The following ADGRL3 variants were observed in gnomAD, a reference collection of about 807,000 sequenced individuals.
ADGRL3 encodes the protein calcium-independent alpha-latrotoxin receptor 3.
A neutral mutation model predicts 153.5 loss-of-function variants in ADGRL3; 62 were observed. The observed-to-expected ratio is 0.40, with a 90% CI of 0.33 to 0.50. The LOEUF (loss-of-function observed/expected upper bound fraction) is 0.50. Ranked by LOEUF, ADGRL3 falls within the 20% of genes least tolerant of loss-of-function variation. The pLI is 0.47. For missense variants in ADGRL3, 1,641 were observed against 1,859.4 expected (o/e 0.88, Z 2.16); for synonymous variants, 710 against 672.5 (o/e 1.06, Z -0.86).
At chr4:61,900,004 A>G (rs1703931729) in intron 11 of ADGRL3, among the ~76,000 whole-genome samples, 1 of 152,058 alleles carries the variant, frequency 6.6e-6, no homozygotes, top group African/African-American at 2.4e-5. Flanking sequence ...AGACCGTGCA[A>G]CCTCCTTCTC....
At chr4:61,567,518 T>C (rs1328565643) in intron 4 of ADGRL3, among the ~76,000 whole-genome samples, 1 of 152,200 alleles carries the variant, frequency 6.6e-6, no homozygotes, top group Admixed American at 6.5e-5. Context: ...GAAGATGCCG[T>C]CTATGAGGAA....
chr4:61,224,425 C>T (rs1022272435), intron 1 of ADGRL3, among the ~76,000 whole-genome samples: 10 of 152,032 alleles, frequency 6.6e-5, no homozygotes, highest in Non-Finnish European at 1.0e-4. Flanking sequence ...TAATAGTTTC[C>T]TGATTAAAAA....
In ADGRL3 at chr4:61,578,278, A is replaced by G. The variant is rs538422175; in HGVS notation, c.260-8949A>G. Among the ~76,000 whole-genome samples, 6 of 152,178 alleles carry G rather than the reference A, an allele frequency of 3.9e-5. No individual in the cohort carries two copies. In the South Asian group the frequency reaches 1.2e-3, roughly 32 times the overall value. On this transcript the variant is annotated intron_variant, in intron 4 of 26. Coordinates refer to ENST00000683033, the MANE Select transcript of ADGRL3 (RefSeq NM_001387552.1). The stretch of plus-strand genomic sequence containing the variant: ...ATCTTTGTCTAAGCCACGGTTTGGT[A>G]AATGGGGATGATAATTTTTCTAAAC...
intron 17 of ADGRL3, among the ~76,000 whole-genome samples, chr4:61,953,940 T>C (rs2098956730): frequency 6.6e-6 from 1 of 152,130 alleles, no homozygotes; most frequent in East Asian, 1.9e-4. Flanking sequence ...TTTACTGTTT[T>C]CTCCTCATCT....
At chr4:61,676,359 G>A (rs2095192216) in intron 5 of ADGRL3, among the ~76,000 whole-genome samples, 1 of 151,792 alleles carries the variant, frequency 6.6e-6, no homozygotes, top group African/African-American at 2.4e-5. Flanking sequence ...CTCAGATAAA[G>A]CTTTTCAATA....
intron 2 of ADGRL3, among the ~76,000 whole-genome samples, chr4:61,479,880 T>G (rs1305102103): frequency 6.6e-6 from 1 of 152,196 alleles, no homozygotes; most frequent in African/African-American, 2.4e-5. Context: ...TAAGCTTCTT[T>G]AAATTATAAT....
intron 9 of ADGRL3, among the ~76,000 whole-genome samples, chr4:61,850,125 C>T (rs1378946410): frequency 2.6e-5 from 4 of 152,182 alleles, no homozygotes; most frequent in South Asian, 2.1e-4. Context: ...TAACTAAGAA[C>T]GTTGTGATGG....
chr4:62,016,167 G>A (rs2099210617), intron 21 of ADGRL3, among the ~76,000 whole-genome samples: 2 of 151,918 alleles, frequency 1.3e-5, no homozygotes, highest in African/African-American at 2.4e-5. Flanking sequence ...TCCTGCCTCA[G>A]CCTCCCGTGT....
At chr4:62,049,770 A>G (rs1733127668) in intron 25 of ADGRL3, among the ~76,000 whole-genome samples, 2 of 152,144 alleles carry the variant, frequency 1.3e-5, no homozygotes, top group Non-Finnish European at 2.9e-5. Context: ...TTAGTTTTGC[A>G]TTAATAGTTC....
chr4:61,838,652 CT>C (rs1167091031), intron 9 of ADGRL3, among the ~76,000 whole-genome samples: 1 of 152,090 alleles, frequency 6.6e-6, no homozygotes, highest in Non-Finnish European at 1.5e-5. Flanking sequence ...ATAACCAACT[CT>C]ATTATATTAA....
chr4:61,561,011 C>T (rs915724466), intron 4 of ADGRL3, among the ~76,000 whole-genome samples: 11 of 152,112 alleles, frequency 7.2e-5, no homozygotes, highest in African/African-American at 2.7e-4. Flanking sequence ...TAACAAGTAT[C>T]TTTTATTTAA....
chr4:61,413,450 G>T (rs2097110781), intron 2 of ADGRL3, among the ~76,000 whole-genome samples: 1 of 152,030 alleles, frequency 6.6e-6, no homozygotes, highest in Non-Finnish European at 1.5e-5. Context: ...CACTAGCCCT[G>T]CCTAACACCA....
At chr4:61,321,237 T>C (rs1205771223) in intron 1 of ADGRL3, among the ~76,000 whole-genome samples, 1 of 152,200 alleles carries the variant, frequency 6.6e-6, no homozygotes, top group Non-Finnish European at 1.5e-5. Context: ...CCACACTGGC[T>C]GATCTTCATG....
rs1349772301 is a variant in ADGRL3 at position 61,768,074 on chromosome 4, C to T, written c.1399+34520C>T. On this transcript the variant is annotated intron_variant, in intron 8 of 26. Transcript: ENST00000683033. The stretch of plus-strand genomic sequence containing the variant: ...TGTCTCAGGGTTGCTGCCAAACGAG[C>T]CATGAACTGGGCTGGATTTTTATAT... Among the ~76,000 whole-genome samples the T allele has an allele frequency of 2.6e-5, 4 of 152,006 alleles. No homozygotes were observed. In the East Asian group the frequency reaches 7.7e-4, roughly 29 times the overall value.
At chr4:61,355,442 G>A (rs2096145428) in intron 1 of ADGRL3, among the ~76,000 whole-genome samples, 1 of 151,966 alleles carries the variant, frequency 6.6e-6, no homozygotes, top group Non-Finnish European at 1.5e-5. Context: ...CACGGAGATA[G>A]TTGACTCCTA....
chr4:61,878,735 T>C (rs1436414359), intron 9 of ADGRL3, among the ~76,000 whole-genome samples: 1 of 152,180 alleles, frequency 6.6e-6, no homozygotes, highest in Non-Finnish European at 1.5e-5. Flanking sequence ...TTGAGAGTTG[T>C]TGTCAAGCAA....
At chr4:61,989,867 A>G (rs1048296956) in intron 19 of ADGRL3, among the ~76,000 whole-genome samples, 3 of 152,032 alleles carry the variant, frequency 2.0e-5, no homozygotes, top group African/African-American at 7.2e-5. Context: ...GTCCACTAGG[A>G]TGGCTACAAT....
chr4:61,685,350 G>A (rs1400951162), intron 6 of ADGRL3, among the ~76,000 whole-genome samples: 5 of 151,994 alleles, frequency 3.3e-5, no homozygotes, highest in African/African-American at 7.2e-5. Context: ...TTAGTCCCAC[G>A]GGTAAGGCAA....
chr4:61,959,258 T>C (rs906260531), intron 17 of ADGRL3, among the ~76,000 whole-genome samples: 2 of 152,200 alleles, frequency 1.3e-5, no homozygotes, highest in African/African-American at 4.8e-5. Flanking sequence ...ACTGTGGTTT[T>C]GTAGAGCACC....
Sources: allele counts gnomAD v4.1 joint callset (sites outside exome capture counted in the v4.1 genomes callset), GRCh38; gene constraint gnomAD v4.1.1; transcripts MANE v1.5; gene names NCBI Gene and HGNC (gene_info 2026-07-23, HGNC 2026-07-21).